The following TTBK2 variants were observed in gnomAD, a reference collection of about 807,000 sequenced individuals.
TTBK2 encodes tau tubulin kinase 2.
A neutral mutation model predicts 110.8 loss-of-function variants in TTBK2; 28 were observed. The ratio of observed to expected loss-of-function variants is 0.25; its 90% CI spans 0.19 to 0.35. TTBK2 has a LOEUF of 0.35. TTBK2 is among the 10% of genes least tolerant of loss of function. The pLI, the probability that TTBK2 is intolerant of heterozygous loss-of-function variation, is 1.00. For synonymous variants in TTBK2, 532 were observed against 527.3 expected (o/e 1.01, Z -0.12); for missense variants, 1,369 against 1,500.3 (o/e 0.91, Z 1.45).
chr15:42,820,326 A>C (rs1240238329), intron 6 of TTBK2, among the ~76,000 whole-genome samples: 2 of 152,238 alleles, frequency 1.3e-5, no homozygotes, highest in Admixed American at 1.3e-4. Context: ...AGCACAATGA[A>C]ATATAAACAC....
chr15:42,768,965 C>T (rs1889525605), intron 13 of TTBK2, among the ~76,000 whole-genome samples: 1 of 152,144 alleles, frequency 6.6e-6, no homozygotes, highest in African/African-American at 2.4e-5. Flanking sequence ...CACACATCTA[C>T]AACCATCTGA....
intron 6 of TTBK2, among the ~76,000 whole-genome samples, chr15:42,817,470 A>T (rs1892087470): frequency 6.6e-6 from 1 of 152,210 alleles, no homozygotes; most frequent in African/African-American, 2.4e-5. Context: ...ACAAATAAAT[A>T]TATTTAGATG....
intron 10 of TTBK2, among the ~76,000 whole-genome samples, chr15:42,783,933 G>A (rs555902310): frequency 1.9e-4 from 29 of 151,936 alleles, no homozygotes; most frequent in Middle Eastern, 3.4e-3. Context: ...GTGGTGGTGG[G>A]CACCTGTAAT....
At chr15:42,825,663 C>T (rs1892497801) in intron 6 of TTBK2, among the ~76,000 whole-genome samples, 3 of 152,112 alleles carry the variant, frequency 2.0e-5, no homozygotes, top group East Asian at 1.9e-4. Flanking sequence ...AGCAGTGAGT[C>T]GAGATGGCGC....
chr15:42,742,042 G>A lies in TTBK2; in HGVS notation c.*3753C>T, dbSNP rs1033855086. On this transcript the variant is annotated 3_prime_UTR_variant, in exon 15 of 15. Transcript: ENST00000267890. ...AGAAGTATTAGCATAAAAATATGTG[G>A]CCTGGAAGGAATCTCTGAAGATACT... 22 of 152,198 alleles carry A rather than the reference G, an allele frequency of 1.4e-4. No homozygotes were observed. The highest frequency in any genetic ancestry group is 5.3e-4 in the African/African-American group (22 of 41,450). 9.4% of individuals were successfully genotyped at this position (152,198 alleles called of 1,614,324 possible).
chr15:42,832,633 G>A lies in TTBK2; in HGVS notation c.292-2555C>T, dbSNP rs965169051. Among the ~76,000 whole-genome samples the A allele has an allele frequency of 9.2e-5, 14 of 152,116 alleles. No individual in the cohort carries two copies. The South Asian group carries it at 1.0e-3, about 11-fold the overall frequency. On this transcript the variant is annotated intron_variant, in intron 4 of 14. Coordinates refer to ENST00000267890, the MANE Select transcript of TTBK2 (RefSeq NM_173500.4). ...AGTTACCCACAGTCAACCGTGGTCCGAATATATTAAATGGAATATGCCAGA... is the reference window on the plus strand; with the variant it reads ...AGTTACCCACAGTCAACCGTGGTCCAAATATATTAAATGGAATATGCCAGA...
intron 4 of TTBK2, among the ~76,000 whole-genome samples, chr15:42,831,658 G>A (rs1298563881): frequency 2.0e-5 from 3 of 152,052 alleles, no homozygotes; most frequent in Admixed American, 6.6e-5. Flanking sequence ...ACCCCAAAGT[G>A]CTCTTCTTTT....
chr15:42,758,798 A>G (rs2061982313), intron 13 of TTBK2, among the ~76,000 whole-genome samples: 1 of 152,090 alleles, frequency 6.6e-6, no homozygotes, highest in African/African-American at 2.4e-5. Context: ...CAGCCTCATC[A>G]GCCCTCACTG....
chr15:42,816,095 T>C (rs1476636865), intron 7 of TTBK2, among the ~76,000 whole-genome samples: 4 of 114,556 alleles, frequency 3.5e-5, no homozygotes, highest in Non-Finnish European at 6.6e-5. Flanking sequence ...AATATATATA[T>C]ATATATATAT....
intron 3 of TTBK2, among the ~76,000 whole-genome samples, chr15:42,850,176 G>A (rs1198032662): frequency 6.6e-6 from 1 of 152,144 alleles, no homozygotes; most frequent in Non-Finnish European, 1.5e-5. Flanking sequence ...ACTGTTTGAG[G>A]CCCGGGTATA....
At chr15:42,908,643 T>C (rs1006558447) in intron 1 of TTBK2, among the ~76,000 whole-genome samples, 5 of 152,226 alleles carry the variant, frequency 3.3e-5, no homozygotes, top group African/African-American at 7.2e-5. Flanking sequence ...TTGTTGCTTG[T>C]TGTTGCTTGC....
chr15:42,854,264 A>G (rs1295291705), intron 3 of TTBK2, among the ~76,000 whole-genome samples: 1 of 152,200 alleles, frequency 6.6e-6, no homozygotes, highest in Non-Finnish European at 1.5e-5. Flanking sequence ...AAAGAAAAAC[A>G]TTTTGTTATG....
chr15:42,755,955 G>A (rs1033542245), intron 13 of TTBK2, among the ~76,000 whole-genome samples: 1 of 152,152 alleles, frequency 6.6e-6, no homozygotes, highest in African/African-American at 2.4e-5. Context: ...CAGCGCTCTG[G>A]GGGGCCGAGG....
Position 42,872,618 on chromosome 15 carries a change from C to T in TTBK2, c.210G>A (p.Lys70=), listed in dbSNP as rs778648664. ...ATTCTACAAAGGGCTTACCTTGCAG[C>T]TTTTTCAAAACAGCAACTTCCATTT... ...VLKMEVAVLK[K]LQGKDHVCRF... is the part of the protein sequence containing the mutation. The change falls in exon 3 of 15, where the codon AAG becomes AAA. Residue 70 remains lysine (K), a synonymous_variant. Transcript: ENST00000267890. 17 of 1,613,904 alleles carry T rather than the reference C, an allele frequency of 1.1e-5. No homozygotes were observed. In the Admixed American group the frequency reaches 2.2e-4, roughly 21 times the overall value.
chr15:42,909,339 C>A (rs577270683), intron 1 of TTBK2, among the ~76,000 whole-genome samples: 3 of 152,292 alleles, frequency 2.0e-5, no homozygotes, highest in South Asian at 4.1e-4. Context: ...TCATCCCCCA[C>A]CTTCAAAGTC....
intron 3 of TTBK2, among the ~76,000 whole-genome samples, chr15:42,868,301 G>A (rs907962000): frequency 1.3e-5 from 2 of 152,030 alleles, no homozygotes; most frequent in African/African-American, 2.4e-5. Context: ...TTACACATTC[G>A]TCCAGGCCCA....
chr15:42,876,248 A>AT (rs971011292), intron 2 of TTBK2, among the ~76,000 whole-genome samples: 114 of 149,884 alleles, frequency 7.6e-4, no homozygotes, highest in Middle Eastern at 3.5e-3. Flanking sequence ...TGAGCTTGTC[A>AT]TTTTTTTTTT....
intron 10 of TTBK2, among the ~76,000 whole-genome samples, chr15:42,790,583 G>A (rs1413402015): frequency 1.3e-5 from 2 of 152,082 alleles, no homozygotes; most frequent in Non-Finnish European, 2.9e-5. Flanking sequence ...ACTGTGCCTG[G>A]CCCGTACTTT....
intron 1 of TTBK2, among the ~76,000 whole-genome samples, chr15:42,902,758 C>A (rs761267461): frequency 6.6e-6 from 1 of 152,006 alleles, no homozygotes; most frequent in Non-Finnish European, 1.5e-5. Flanking sequence ...TTTGCAGGGC[C>A]GAGGTGGGAG....
Sources: gnomAD v4.1 joint callset for allele counts (sites outside exome capture counted in the v4.1 genomes callset) on GRCh38, gnomAD v4.1.1 for gene constraint, MANE v1.5 for transcripts, NCBI Gene and HGNC (gene_info 2026-07-23, HGNC 2026-07-21) for gene names.